ENTPD5: variants seen among roughly 807,000 people sequenced by gnomAD.
The protein encoded by ENTPD5 is nucleoside diphosphate phosphatase ENTPD5.
A neutral mutation model predicts 60.2 loss-of-function variants in ENTPD5; 49 were observed. The observed-to-expected ratio is 0.81, with a 90% CI of 0.65 to 1.03. The LOEUF (loss-of-function observed/expected upper bound fraction) is 1.03, where lower values mean the gene tolerates loss of function less well. ENTPD5 is among the 50% of genes least tolerant of loss of function. ENTPD5 has a pLI of 0.00. For synonymous variants in ENTPD5, 187 were observed against 185.4 expected (o/e 1.01, Z -0.07); for missense variants, 480 against 507.6 (o/e 0.95, Z 0.52).
chr14:74,009,098 C>T (rs919664054), intron 3 of ENTPD5: 4 of 152,202 alleles, frequency 2.6e-5, no homozygotes, highest in Non-Finnish European at 5.9e-5. Context: ...GACTTTGCTA[C>T]AATAATCACT....
intron 6 of ENTPD5, among the ~76,000 whole-genome samples, chr14:73,981,782 G>A (rs535460601): frequency 6.7e-6 from 1 of 149,106 alleles, no homozygotes; most frequent in East Asian, 1.9e-4. Flanking sequence ...ACTCAAGCTT[G>A]GAAGACAGAG....
At chr14:73,997,828 G>T (rs897734400) in intron 3 of ENTPD5, among the ~76,000 whole-genome samples, 1 of 152,106 alleles carries the variant, frequency 6.6e-6, no homozygotes, top group Non-Finnish European at 1.5e-5. Flanking sequence ...GAACATGCTG[G>T]ACACCAGTAA....
intron 3 of ENTPD5, among the ~76,000 whole-genome samples, chr14:73,997,408 G>C (rs2058371863): frequency 6.6e-6 from 1 of 152,126 alleles, no homozygotes; most frequent in Admixed American, 6.5e-5. Flanking sequence ...AAATTGGATA[G>C]GTGATTAGAA....
At chr14:74,013,924 A>T (rs1373255011) in intron 2 of ENTPD5, among the ~76,000 whole-genome samples, 2 of 152,054 alleles carry the variant, frequency 1.3e-5, no homozygotes, top group Non-Finnish European at 2.9e-5. Context: ...TGCTTTTTTT[A>T]AAAAATAGAG....
downstream of ENTPD5, chr14:73,955,929 G>T (rs1353156388): frequency 4.3e-6 from 7 of 1,613,920 alleles, no homozygotes; most frequent in African/African-American, 1.3e-5. Context: ...GCTGTGTCTG[G>T]TGAGGCCCCC....
intron 6 of ENTPD5, among the ~76,000 whole-genome samples, chr14:73,980,898 G>C (rs1019862012): frequency 6.6e-6 from 1 of 152,016 alleles, no homozygotes; most frequent in African/African-American, 2.4e-5. Context: ...AGGAGTTTGA[G>C]ACCAGCCTGA....
At chr14:73,970,228 A>C in intron 14 of ENTPD5, 103 bp from the exon 15 acceptor site, 5 of 744,812 alleles carry the variant, frequency 6.7e-6, no homozygotes, top group Non-Finnish European at 1.2e-5. Context: ...GCGGTGGCTC[A>C]CGCCTGTAAT....
intron 6 of ENTPD5, 84 bp from the exon 7 acceptor site, chr14:73,977,458 T>C: frequency 9.9e-7 from 1 of 1,006,080 alleles, no homozygotes; most frequent in South Asian, 1.5e-5. Context: ...CCTGTAAGAC[T>C]TAGAAAACTA....
At chr14:73,993,793 A>G (rs1172167162) in intron 3 of ENTPD5, among the ~76,000 whole-genome samples, 1 of 151,604 alleles carries the variant, frequency 6.6e-6, no homozygotes. Context: ...CAAATTTTGT[A>G]TTAATATATC....
At position 73,973,052 on chromosome 14, in the gene ENTPD5, G is replaced by T. The variant is rs768669095; in HGVS notation, c.887-28C>A. 8.1e-6 allele frequency: 13 copies of T among 1,612,744 alleles called. No individual in the cohort carries two copies. In the South Asian group the frequency reaches 1.3e-4, roughly 16 times the overall value. ...GCCAGGCAAAGGTGCACAGGGGTAA[G>T]GTGAGAACGACGCTGGGGGAAGGGG... is the stretch of plus-strand genomic sequence containing the variant. On this transcript the variant is annotated intron_variant, in intron 12 of 15. Coordinates refer to ENST00000334696, the MANE Select transcript of ENTPD5 (RefSeq NM_001249.5).
rs2056927513 is a variant in ENTPD5, at chr14:73,965,301, C to T, written c.*1627G>A. On this transcript the variant is annotated 3_prime_UTR_variant, in exon 16 of 16. Transcript: ENST00000334696. ...GAAACGGAGTCTACTGTGAAAGCCACAAGTTTTGGGGAAATACACTCCTGC... is the reference window on the plus strand; with the variant it reads ...GAAACGGAGTCTACTGTGAAAGCCATAAGTTTTGGGGAAATACACTCCTGC... 1 of 152,092 alleles carries T rather than the reference C, an allele frequency of 6.6e-6. No homozygotes were observed. The highest frequency in any genetic ancestry group is 1.5e-5 in the Non-Finnish European group (1 of 68,038). 9.4% of individuals were successfully genotyped at this position (152,092 alleles called of 1,614,324 possible). A position where few individuals can be genotyped will look rare whatever the true frequency, so the allele number is the denominator to read the frequency against.
chr14:73,959,002 G>C, downstream of ENTPD5: 1 of 1,614,066 alleles, frequency 6.2e-7, no homozygotes, highest in Non-Finnish European at 8.5e-7. Flanking sequence ...TCCGGAGTAC[G>C]GCAGGCTGTT....
rs557979021 is a variant in ENTPD5, at chr14:73,981,948, T to C, written c.441+1070A>G. Among the ~76,000 whole-genome samples the C allele has an allele frequency of 1.1e-4, 17 of 152,264 alleles. No individual in the cohort carries two copies. The East Asian group carries it at 2.5e-3, about 22-fold the overall frequency. The stretch of plus-strand genomic sequence containing the variant: ...ATATGAAAAGAATAAGCAAAACTTA[T>C]AGTGACAGGAAGCAAATTAGTGATT... On this transcript the variant is annotated intron_variant, in intron 6 of 15. Transcript: ENST00000334696.
chr14:73,975,453 G>A (rs1342954763), intron 10 of ENTPD5, among the ~76,000 whole-genome samples: 2 of 146,076 alleles, frequency 1.4e-5, no homozygotes, highest in East Asian at 4.0e-4. Flanking sequence ...CGCTCCGGCT[G>A]AAGTGCAGTG....
chr14:73,958,531 T>C, downstream of ENTPD5: 29 of 1,328,638 alleles, frequency 2.2e-5, no homozygotes, highest in Non-Finnish European at 2.8e-5. Context: ...CACCAGAGTG[T>C]TGGGAATGGA....
intron 3 of ENTPD5, among the ~76,000 whole-genome samples, chr14:74,000,194 C>T (rs1002843574): frequency 2.6e-5 from 4 of 151,702 alleles, no homozygotes; most frequent in Admixed American, 6.6e-5. Context: ...CAGTGGCTCA[C>T]GTCTGTAATC....
intron 3 of ENTPD5, among the ~76,000 whole-genome samples, chr14:74,002,431 CTTAT>C (rs994400308): frequency 4.0e-5 from 6 of 151,812 alleles, no homozygotes; most frequent in Admixed American, 1.3e-4. Context: ...AAATCAAGAG[CTTAT>C]TTATTTATTT....
In ENTPD5 at chr14:73,964,941, G is replaced by A. The variant is rs1213283313; in HGVS notation, c.*1987C>T. 6.6e-6 allele frequency: 1 copy of A among 152,194 alleles called. No homozygotes were observed. Among genetic ancestry groups the A allele is most frequent in the African/African-American group, 2.4e-5 (1 of 41,456 alleles). The allele number at this position is 152,194 out of a possible 1,614,324, so 9.4% of individuals were successfully genotyped here. On this transcript the variant is annotated 3_prime_UTR_variant, in exon 16 of 16. Coordinates refer to ENST00000334696, the MANE Select transcript of ENTPD5 (RefSeq NM_001249.5). The stretch of plus-strand genomic sequence containing the variant: ...GCAGAAGCTGAATGACAACCTGTTA[G>A]AAATTCTAGGGAATTCTGCACTGAG...
intron 11 of ENTPD5, 136 bp downstream of exon 11, chr14:73,974,788 G>A (rs2057369190): frequency 1.4e-6 from 1 of 722,414 alleles, no homozygotes; most frequent in South Asian, 1.8e-5. Flanking sequence ...CCATTATTAG[G>A]TCCATTATAC....
Sources: allele counts gnomAD v4.1 joint callset (sites outside exome capture counted in the v4.1 genomes callset), GRCh38; gene constraint gnomAD v4.1.1; transcripts MANE v1.5; gene names NCBI Gene and HGNC (gene_info 2026-07-23, HGNC 2026-07-21).